The following CBLL1 variants were observed in gnomAD, a reference collection of about 807,000 sequenced individuals.
CBLL1 encodes the protein Cbl proto-oncogene like 1, also known as E3 ubiquitin-protein ligase Hakai.
In CBLL1, 4 loss-of-function variants were observed where a neutral mutation model predicts 44.9. That is an observed-to-expected ratio of 0.09 (90% confidence interval 0.04 to 0.20). The LOEUF is 0.20. Ranked by LOEUF, CBLL1 falls within the 10% of genes least tolerant of loss-of-function variation. The probability of loss-of-function intolerance (pLI) is 1.00; values close to 1 mark genes in which losing one functional copy is unlikely to be tolerated. For synonymous variants in CBLL1, 235 were observed against 202.2 expected, an observed-to-expected ratio of 1.16 and a Z score of -1.38; for missense variants, 569 against 636.7, an observed-to-expected ratio of 0.89 and a Z score of 1.14.
At chr7:107,747,100 C>T (rs1793058963) in intron 1 of CBLL1, among the ~76,000 whole-genome samples, 1 of 152,138 alleles carries the variant, frequency 6.6e-6, no homozygotes, top group Non-Finnish European at 1.5e-5. Context: ...GCTTTATGCT[C>T]TGATTCTTAA....
intron 2 of CBLL1, among the ~76,000 whole-genome samples, chr7:107,750,375 G>C (rs370203702): frequency 2.0e-5 from 3 of 151,252 alleles, no homozygotes; most frequent in Non-Finnish European, 2.9e-5. Context: ...GCGGGATCTC[G>C]GCTCACTGCA....
At chr7:107,753,844 C>T in intron 3 of CBLL1, 51 bp from the exon 4 acceptor site, 1 of 1,179,144 alleles carries the variant, frequency 8.5e-7, no homozygotes, top group Non-Finnish European at 1.2e-6. Context: ...TGTGTAGATA[C>T]AATCTTTAGA....
At position 107,748,875 on chromosome 7, in the gene CBLL1, C is replaced by T. The variant is rs778279110; in HGVS notation, c.14-5C>T. ...AGAAATTACAACTTTTTTTTCCTAACACAGACAATGAGTTACAAGGCACTA... is the reference window on the plus strand; with the variant it reads ...AGAAATTACAACTTTTTTTTCCTAATACAGACAATGAGTTACAAGGCACTA... On this transcript the variant is annotated splice_region_variant and splice_polypyrimidine_tract_variant and intron_variant, in intron 1 of 5. Coordinates refer to ENST00000440859, the MANE Select transcript of CBLL1 (RefSeq NM_024814.4). The T allele has an allele frequency of 6.4e-7, 1 of 1,571,524 alleles. No individual in the cohort carries two copies. The highest frequency in any genetic ancestry group is 1.2e-5 in the South Asian group (1 of 82,936).
chr7:107,747,260 GA>G (rs1793065371), intron 1 of CBLL1, among the ~76,000 whole-genome samples: 1 of 152,180 alleles, frequency 6.6e-6, no homozygotes, highest in South Asian at 2.1e-4. Context: ...CAACAGTAGA[GA>G]CCTCAAGTGT....
At chr7:107,744,491 C>T (rs528867711) in intron 1 of CBLL1, 4 of 380,664 alleles carry the variant, frequency 1.1e-5, no homozygotes, top group Non-Finnish European at 1.9e-5. Flanking sequence ...TTTAGCCCAG[C>T]TGCTCTGGCC....
chr7:107,754,765 ATAG>A (rs1446166758), intron 4 of CBLL1, among the ~76,000 whole-genome samples: 1 of 152,192 alleles, frequency 6.6e-6, no homozygotes, highest in East Asian at 1.9e-4. Context: ...CTGCATTGGA[ATAG>A]TTTCAGGAGA....
In CBLL1 at chr7:107,758,616, C is replaced by G; in HGVS notation, c.914C>G (p.Ala305Gly). 6.2e-7 allele frequency: 1 copy of G among 1,614,028 alleles called. No homozygotes were observed. The highest frequency in any genetic ancestry group is 2.2e-5 in the East Asian group (1 of 44,872). Residue 305 changes from alanine (A) to glycine (G), a missense_variant, in exon 6 of 6, where the codon GCT becomes GGT. By Grantham distance (60) the Ala-to-Gly change is moderately conservative (BLOSUM62 0). This residue lies in a region of CBLL1 where 228 missense variants were observed against 253.2 expected (regional missense o/e 0.90). Transcript: ENST00000440859. The surrounding 1 kb of genome is among the most constrained non-coding windows in gnomAD (Gnocchi z 4.2). ...ATTCAGGATGACTCAAATTCAGGTG[C>G]TAGAGAACCACCACCTCCTGCCCCA... is the stretch of plus-strand genomic sequence containing the variant. ...VPIQDDSNSG[A>G]REPPPPAPAP...
At position 107,749,057 on chromosome 7, in the gene CBLL1, T is replaced by C. The variant is rs1793144332; in HGVS notation, c.181+10T>C. The C allele has an allele frequency of 6.2e-7, 1 of 1,613,156 alleles. No homozygotes were observed. Among genetic ancestry groups the C allele is most frequent in the Non-Finnish European group, 8.5e-7 (1 of 1,179,514 alleles). On this transcript the variant is annotated intron_variant, in intron 2 of 5. Transcript: ENST00000440859. The stretch of plus-strand genomic sequence containing the variant: ...CCACCTGGTGATGAAGGTAATTTGT[T>C]TAACTAATAGGTCCAACACTCTTTC...
chr7:107,753,902 T>C lies in CBLL1; in HGVS notation c.290T>C (p.Ile97Thr). Reference protein sequence around the residue: ...GHLFWDFQINILGEKDDTPVH... With the variant: ...GHLFWDFQINTLGEKDDTPVH... ...ATTATATCATTTCAACAGATAAACA[T>C]CTTAGGTGAAAAGGATGATACACCA... The change falls in exon 4 of 6, where the codon ATC becomes ACC. Residue 97 changes from isoleucine to threonine, a missense_variant. Coordinates refer to ENST00000440859, the MANE Select transcript of CBLL1 (RefSeq NM_024814.4). 2.5e-6 allele frequency: 4 copies of C among 1,580,410 alleles called. No homozygotes were observed. Among genetic ancestry groups the C allele is most frequent in the Non-Finnish European group, 3.4e-6 (4 of 1,160,408 alleles).
At position 107,759,267 on chromosome 7, in the gene CBLL1, T is replaced by G; in HGVS notation, c.*89T>G. ...CTTTGACTGTTTTGGGAAGGAAGAG[T>G]ACCTCTTATCGAGGTAGTATAAAAC... On this transcript the variant is annotated 3_prime_UTR_variant, in exon 6 of 6. Transcript: ENST00000440859. 1.0e-5 allele frequency: 12 copies of G among 1,167,556 alleles called. No homozygotes were observed. In the South Asian group the frequency reaches 1.8e-4, roughly 17 times the overall value. 72.3% of individuals were successfully genotyped at this position (1,167,556 alleles called of 1,614,324 possible).
Position 107,758,792 on chromosome 7 carries a change from A to G in CBLL1, c.1090A>G (p.Thr364Ala), listed in dbSNP as rs756618872. The change falls in exon 6 of 6, where the codon ACT becomes GCT. Residue 364 changes from threonine to alanine, a missense_variant. Thr to Ala is a moderately conservative substitution (Grantham distance 58). This residue lies in a region of CBLL1 where 228 missense variants were observed against 253.2 expected (regional missense o/e 0.90). Transcript: ENST00000440859. The surrounding 1 kb of genome is among the most constrained non-coding windows in gnomAD (Gnocchi z 4.2). ...GCCACATCCTCCCCAGGCTGCAGGT[A>G]CTCCTCACTTGGTATATAGCCAAGC... ...PMPHPPQAAG[T>A]PHLVYSQAPP... 1 of 1,612,708 alleles carries G rather than the reference A, an allele frequency of 6.2e-7. No individual in the cohort carries two copies. Among genetic ancestry groups the G allele is most frequent in the African/African-American group, 1.3e-5 (1 of 74,508 alleles).
chr7:107,754,241 A>T (rs1018436663), intron 4 of CBLL1: 4 of 202,720 alleles, frequency 2.0e-5, no homozygotes, highest in Non-Finnish European at 2.9e-5. Context: ...ATACCAGTGA[A>T]TTTACAGTTA....
rs767644060 is a variant in CBLL1 at position 107,749,005 on chromosome 7, A to G, written c.139A>G (p.Thr47Ala). 1.2e-6 allele frequency: 2 copies of G among 1,614,172 alleles called. No individual in the cohort carries two copies. ...GAAACCTGCACCGCGAACTCAAAGA[A>G]CTATAAACAGGATGCCTGCAAAGGC... is the stretch of plus-strand genomic sequence containing the variant. The part of the protein sequence containing the change: ...KAKPAPRTQR[T>A]INRMPAKAPP... Residue 47 changes from threonine (T) to alanine (A), a missense_variant, in exon 2 of 6, where the codon ACT becomes GCT. Transcript: ENST00000440859.
In CBLL1 at chr7:107,753,579, T is replaced by C. The variant is rs1793401579; in HGVS notation, c.282+68T>C. 9 of 853,356 alleles carry C rather than the reference T, an allele frequency of 1.1e-5. No homozygotes were observed. The Middle Eastern group carries it at 1.8e-3, about 168-fold the overall frequency. 52.9% of individuals were successfully genotyped at this position (853,356 alleles called of 1,614,324 possible). A position where few individuals can be genotyped will look rare whatever the true frequency, so the allele number is the denominator to read the frequency against. On this transcript the variant is annotated intron_variant, in intron 3 of 5. Coordinates refer to ENST00000440859, the MANE Select transcript of CBLL1 (RefSeq NM_024814.4). ...TTTAAGTATTAAATACTTAAAATGT[T>C]TTATTGGAGTAATGCACAGTACATT...
chr7:107,748,700 A>C (rs1287204880), intron 1 of CBLL1, among the ~76,000 whole-genome samples, 180 bp from the exon 2 acceptor site: 3 of 152,236 alleles, frequency 2.0e-5, no homozygotes, highest in African/African-American at 7.2e-5. Flanking sequence ...GTTAAAAAGC[A>C]TTGCCTTAAG....
Position 107,758,904 on chromosome 7 carries a change from A to G in CBLL1, c.1202A>G (p.His401Arg), listed in dbSNP as rs768550180. ...GCCCAGATGCCACCTTATATGAATC[A>G]TCCTCCTCCAGGACCTCCCCCACCT... ...IIAQMPPYMN[H>R]PPPGPPPPQH... Residue 401 changes from histidine (H) to arginine (R), a missense_variant, in exon 6 of 6, where the codon CAT becomes CGT. Coordinates refer to ENST00000440859, the MANE Select transcript of CBLL1 (RefSeq NM_024814.4). The surrounding 1 kb of genome is among the most constrained non-coding windows in gnomAD (Gnocchi z 4.2). The G allele has an allele frequency of 6.2e-7, 1 of 1,613,802 alleles. No homozygotes were observed. Among genetic ancestry groups the G allele is most frequent in the Non-Finnish European group, 8.5e-7 (1 of 1,179,910 alleles).
chr7:107,757,329 T>G (rs953464995), intron 5 of CBLL1, among the ~76,000 whole-genome samples: 1 of 152,126 alleles, frequency 6.6e-6, no homozygotes, highest in Non-Finnish European at 1.5e-5. Context: ...ATTGTATAAA[T>G]GAAGAAACAA....
intron 2 of CBLL1, among the ~76,000 whole-genome samples, chr7:107,750,689 G>A (rs1793245408): frequency 6.6e-6 from 1 of 152,148 alleles, no homozygotes; most frequent in Non-Finnish European, 1.5e-5. Flanking sequence ...TATTTCACCA[G>A]TATAAAAGAG....
At chr7:107,757,849 A>G (rs138152047) in intron 5 of CBLL1, among the ~76,000 whole-genome samples, 14 of 152,206 alleles carry the variant, frequency 9.2e-5, no homozygotes, top group African/African-American at 3.4e-4. Context: ...AGAAGGTACA[A>G]TTGTTTGAGA....
Sources: gnomAD v4.1 joint callset for allele counts (sites outside exome capture counted in the v4.1 genomes callset) on GRCh38, gnomAD v4.1.1 for gene constraint, gnomAD v4.1.1 regional missense constraint, Gnocchi (gnomAD v3.1) non-coding constraint, MANE v1.5 for transcripts, NCBI Gene and HGNC (gene_info 2026-07-23, HGNC 2026-07-21) for gene names.